Variants in RARRES1 observed in about 807,000 individuals in gnomAD.
RARRES1 encodes retinoic acid receptor responder 1, also known as retinoic acid receptor responder protein 1.
RARRES1 carries 34 observed loss-of-function variants against 30.6 expected under a neutral mutation model. The observed-to-expected ratio is 1.11, with a 90% CI of 0.84 to 1.48. The LOEUF (loss-of-function observed/expected upper bound fraction) is 1.48, where lower values mean the gene tolerates loss of function less well. Ranked by LOEUF, RARRES1 falls within the 40% of genes most tolerant of loss-of-function variation. The probability of loss-of-function intolerance (pLI) is 0.00; values close to 1 mark genes in which losing one functional copy is unlikely to be tolerated. For missense variants in RARRES1, 373 were observed against 386.5 expected, an observed-to-expected ratio of 0.97 and a Z score of 0.29; for synonymous variants, 153 against 155.5, an observed-to-expected ratio of 0.98 and a Z score of 0.12.
At chr3:158,700,531 T>G (rs1339665776) in intron 4 of RARRES1, among the ~76,000 whole-genome samples, 1 of 152,090 alleles carries the variant, frequency 6.6e-6, no homozygotes, top group South Asian at 2.1e-4. Context: ...CCCCTTACAT[T>G]TTTGTTTTTA....
chr3:158,710,666 AT>A, intron 3 of RARRES1, 71 bp downstream of exon 3: 1 of 1,408,456 alleles, frequency 7.1e-7, no homozygotes, highest in Non-Finnish European at 9.7e-7. Flanking sequence ...AAAAACTTAA[AT>A]GATCTTTCTT....
chr3:158,715,740 C>T (rs772578930), intron 1 of RARRES1, among the ~76,000 whole-genome samples: 1 of 152,152 alleles, frequency 6.6e-6, no homozygotes, highest in Non-Finnish European at 1.5e-5. Flanking sequence ...AACATGGTCT[C>T]CCATCAGGGT....
At chr3:158,703,321 T>C (rs951625475) in intron 4 of RARRES1, among the ~76,000 whole-genome samples, 2 of 152,116 alleles carry the variant, frequency 1.3e-5, no homozygotes, top group African/African-American at 2.4e-5. Flanking sequence ...AGATAGTAAC[T>C]CTAACAACTT....
Position 158,704,921 on chromosome 3 carries a change from T to C in RARRES1, c.542A>G (p.His181Arg). The change falls in exon 4 of 6, where the codon CAT (histidine) becomes CGT (arginine). Residue 181 changes from histidine to arginine, a missense_variant. His to Arg is a conservative substitution (Grantham distance 29). Transcript: ENST00000237696. ...TCTCAGAGAGGGATCAATATGTCCA[T>C]GATTATCTGAGAGAGACAAAAAAAG... Reference protein sequence around the residue: ...PLEIVSIPDNHGHIDPSLRLI... With the variant: ...PLEIVSIPDNRGHIDPSLRLI... 3.1e-6 allele frequency: 5 copies of C among 1,607,478 alleles called. No homozygotes were observed. Among genetic ancestry groups the C allele is most frequent in the Non-Finnish European group, 4.2e-6 (5 of 1,178,336 alleles).
intron 1 of RARRES1, among the ~76,000 whole-genome samples, chr3:158,721,746 C>T (rs1239461245): frequency 2.0e-5 from 3 of 152,178 alleles, no homozygotes; most frequent in Non-Finnish European, 2.9e-5. Context: ...TCTGCTTCTG[C>T]AGGTGCAACT....
At chr3:158,730,180 C>A (rs531631722) in intron 1 of RARRES1, among the ~76,000 whole-genome samples, 6 of 151,902 alleles carry the variant, frequency 3.9e-5, no homozygotes, top group Non-Finnish European at 8.8e-5. Context: ...CTTAGCCAGG[C>A]GTGGTGGCAC....
In RARRES1 at chr3:158,707,205, A is replaced by G. The variant is rs1375973933; in HGVS notation, c.536-2278T>C. Reference sequence around the variant, plus strand: ...CAAAAAAACTACAGATAAATCAAGAAGGATAAGAAGCAAGATCTGGTTAGG... The same window carrying G: ...CAAAAAAACTACAGATAAATCAAGAGGGATAAGAAGCAAGATCTGGTTAGG... On this transcript the variant is annotated intron_variant, in intron 3 of 5. Coordinates refer to ENST00000237696, the MANE Select transcript of RARRES1 (RefSeq NM_206963.2). 2.6e-5 allele frequency among the ~76,000 whole-genome samples: 4 copies of G among 152,094 alleles called. No individual in the cohort carries two copies. The East Asian group carries it at 7.7e-4, about 29-fold the overall frequency.
intron 1 of RARRES1, among the ~76,000 whole-genome samples, chr3:158,721,027 G>A (rs1042953811): frequency 2.0e-5 from 3 of 152,196 alleles, no homozygotes; most frequent in Admixed American, 6.5e-5. Flanking sequence ...TTTAGAAGGA[G>A]CCCCTGGATG....
At chr3:158,702,871 ATAAG>A (rs1359694926) in intron 4 of RARRES1, among the ~76,000 whole-genome samples, 1 of 152,186 alleles carries the variant, frequency 6.6e-6, no homozygotes, top group Non-Finnish European at 1.5e-5. Context: ...GTTCATTTTG[ATAAG>A]TAAAGACAAA....
At chr3:158,725,840 TGTG>T (rs1727667737) in intron 1 of RARRES1, among the ~76,000 whole-genome samples, 1 of 152,162 alleles carries the variant, frequency 6.6e-6, no homozygotes, top group African/African-American at 2.4e-5. Context: ...GGATGGCTGC[TGTG>T]GTGGGTGATG....
chr3:158,713,174 G>A lies in RARRES1; in HGVS notation c.339+623C>T, dbSNP rs188009624. Among the ~76,000 whole-genome samples, 19 of 152,162 alleles carry A rather than the reference G, an allele frequency of 1.2e-4. No individual in the cohort carries two copies. In the East Asian group the frequency reaches 1.4e-3, roughly 11 times the overall value. On this transcript the variant is annotated intron_variant, in intron 2 of 5. Coordinates refer to ENST00000237696, the MANE Select transcript of RARRES1 (RefSeq NM_206963.2). ...GAGCATTTGAGCTGGTCTCCTCTCC[G>A]CCCATGCTCTGATTGCCGCCTTTCA...
Position 158,732,303 on chromosome 3 carries a change from G to A in RARRES1, c.113C>T (p.Ala38Val). Residue 38 changes from alanine (A) to valine (V), a missense_variant, in exon 1 of 6, where the codon GCG (alanine) becomes GTG (valine). Physicochemically the swap from Ala to Val is moderately conservative, Grantham distance 64. Transcript: ENST00000237696. ...AGGGTCGTCGGGGTCCCCGGACCCC[G>A]CGGGCGCCGCCACCGGGGCGAGCAA... ...LLLLAPVAAP[A>V]GSGDPDDPGQ... is the part of the protein sequence containing the mutation. The A allele has an allele frequency of 1.5e-6, 2 of 1,343,846 alleles. No homozygotes were observed. The highest frequency in any genetic ancestry group is 1.5e-5 in the African/African-American group (1 of 64,606). The allele number at this position is 1,343,846 out of a possible 1,614,324, so 83.2% of individuals were successfully genotyped here.
chr3:158,732,191 G>A lies in RARRES1; in HGVS notation c.225C>T (p.Gly75=), dbSNP rs1258140375. ...AALHFFNFRS[G]SPSALRVLAE... Reference sequence around the variant, plus strand: ...CCAGCACTCGTAGCGCGCTGGGCGAGCCGGACCGGAAGTTGAAGAAGTGAA... The same window carrying A: ...CCAGCACTCGTAGCGCGCTGGGCGAACCGGACCGGAAGTTGAAGAAGTGAA... Residue 75 remains glycine, a synonymous_variant, in exon 1 of 6, where the codon GGC becomes GGT. Coordinates refer to ENST00000237696, the MANE Select transcript of RARRES1 (RefSeq NM_206963.2). The A allele has an allele frequency of 7.0e-7, 1 of 1,423,450 alleles. No homozygotes were observed. The highest frequency in any genetic ancestry group is 2.3e-4 in the Middle Eastern group (1 of 4,262). 88.2% of individuals were successfully genotyped at this position (1,423,450 alleles called of 1,614,324 possible).
chr3:158,706,800 GT>G (rs1726939979), intron 3 of RARRES1, among the ~76,000 whole-genome samples: 1 of 152,188 alleles, frequency 6.6e-6, no homozygotes, highest in Non-Finnish European at 1.5e-5. Context: ...AACGTTTTGG[GT>G]GAAAACAAGT....
chr3:158,702,022 T>G (rs990141562), intron 4 of RARRES1, among the ~76,000 whole-genome samples: 2 of 152,040 alleles, frequency 1.3e-5, no homozygotes, highest in Admixed American at 1.3e-4. Flanking sequence ...CCTCTGCATT[T>G]GTTTTTGTTT....
chr3:158,724,970 A>G (rs1265083868), intron 1 of RARRES1, among the ~76,000 whole-genome samples: 1 of 152,080 alleles, frequency 6.6e-6, no homozygotes, highest in African/African-American at 2.4e-5. Flanking sequence ...TGGGACTACA[A>G]GTACGTGCCA....
chr3:158,718,842 A>G (rs1159809788), intron 1 of RARRES1, among the ~76,000 whole-genome samples: 4 of 152,206 alleles, frequency 2.6e-5, no homozygotes, highest in Non-Finnish European at 5.9e-5. Context: ...CTAATCCATT[A>G]AATTCAAAGC....
chr3:158,732,277 C>A lies in RARRES1; in HGVS notation c.139G>T (p.Gly47Trp). The A allele has an allele frequency of 1.5e-6, 2 of 1,354,418 alleles. No individual in the cohort carries two copies. Among genetic ancestry groups the A allele is most frequent in the South Asian group, 1.9e-5 (1 of 53,468 alleles). 83.9% of individuals were successfully genotyped at this position (1,354,418 alleles called of 1,614,324 possible). A position where few individuals can be genotyped will look rare whatever the true frequency, so the allele number is the denominator to read the frequency against. ...PAGSGDPDDP[G>W]QPQDAGVPRR... ...GGGACCCCAGCATCCTGAGGCTGCC[C>A]AGGGTCGTCGGGGTCCCCGGACCCC... Residue 47 changes from glycine (G) to tryptophan (W), a missense_variant, in exon 1 of 6, where the codon GGG becomes TGG. Transcript: ENST00000237696.
intron 4 of RARRES1, among the ~76,000 whole-genome samples, chr3:158,701,818 T>C (rs946384840): frequency 6.6e-6 from 1 of 152,188 alleles, no homozygotes; most frequent in African/African-American, 2.4e-5. Flanking sequence ...AAACCAAATA[T>C]CCTAATTGCT....
Sources: allele counts gnomAD v4.1 joint callset (sites outside exome capture counted in the v4.1 genomes callset), GRCh38; gene constraint gnomAD v4.1.1; transcripts MANE v1.5; gene names NCBI Gene and HGNC (gene_info 2026-07-23, HGNC 2026-07-21).